RAI1: variants seen among roughly 807,000 people sequenced by gnomAD.
RAI1 encodes the protein retinoic acid-induced protein 1.
RAI1 carries 9 observed loss-of-function variants against 123.8 expected under a neutral mutation model. That is an observed-to-expected ratio of 0.07 (90% CI 0.04 to 0.13). RAI1 has a LOEUF of 0.13. Ranked by LOEUF, RAI1 falls within the 10% of genes least tolerant of loss-of-function variation. The probability of loss-of-function intolerance (pLI) is 1.00; values close to 1 mark genes in which losing one functional copy is unlikely to be tolerated. For missense variants in RAI1, 2,256 were observed against 2,545.8 expected, an observed-to-expected ratio of 0.89 and a Z score of 2.45; for synonymous variants, 1,231 against 1,127.3, an observed-to-expected ratio of 1.09 and a Z score of -1.84.
rs1345091760 is a variant in RAI1, at chr17:17,796,881, G to T, written c.3933G>T (p.Gln1311His). The T allele has an allele frequency of 1.9e-6, 3 of 1,613,192 alleles. No individual in the cohort carries two copies. The highest frequency in any genetic ancestry group is 3.3e-5 in the Admixed American group (2 of 60,034). ...CLKLASRAAF[Q>H]GAMKTKVLPP... ...AGCTCGCCTCTCGGGCAGCCTTCCAGGGGGCCATGAAGACCAAGGTGCTGC... is the reference window on the plus strand; with the variant it reads ...AGCTCGCCTCTCGGGCAGCCTTCCATGGGGCCATGAAGACCAAGGTGCTGC... Residue 1311 changes from glutamine to histidine, a missense_variant, in exon 3 of 6, where the codon CAG (glutamine) becomes CAT (histidine). Around this residue, in one of 7 missense-constraint regions of RAI1, gnomAD observed 322 missense variants for 358.0 expected, o/e 0.90. Coordinates refer to ENST00000353383, the MANE Select transcript of RAI1 (RefSeq NM_030665.4). This position sits in a 1 kb window ranked among gnomAD's most constrained non-coding sequence, Gnocchi z 5.8.
chr17:17,753,187 G>A (rs1359082926), intron 2 of RAI1, among the ~76,000 whole-genome samples: 1 of 152,230 alleles, frequency 6.6e-6, no homozygotes, highest in African/African-American at 2.4e-5. Context: ...AGGAGCCCCA[G>A]GGGCTGGCCC....
At chr17:17,771,402 G>A (rs1240991136) in intron 2 of RAI1, among the ~76,000 whole-genome samples, 1 of 152,216 alleles carries the variant, frequency 6.6e-6, no homozygotes, top group Non-Finnish European at 1.5e-5. Flanking sequence ...ACAAGTGGGT[G>A]ATCTCTAAAT....
At chr17:17,715,794 C>T (rs371357415) in intron 1 of RAI1, among the ~76,000 whole-genome samples, 16 of 152,140 alleles carry the variant, frequency 1.1e-4, no homozygotes, top group East Asian at 3.8e-4. Flanking sequence ...GTGCCCGATC[C>T]GATCCTCGCC....
At chr17:17,707,857 G>T (rs966114041) in intron 1 of RAI1, among the ~76,000 whole-genome samples, 2 of 152,204 alleles carry the variant, frequency 1.3e-5, no homozygotes, top group African/African-American at 2.4e-5. Context: ...GCTTCCCAAA[G>T]TGCTGGGATC....
intron 2 of RAI1, among the ~76,000 whole-genome samples, chr17:17,745,445 G>T (rs2029880818): frequency 6.6e-6 from 1 of 151,156 alleles, no homozygotes; most frequent in Non-Finnish European, 1.5e-5. Flanking sequence ...TTTTGTTTTT[G>T]TTTTTTTTGA....
Position 17,726,773 on chromosome 17 carries a change from C to G in RAI1, c.-17+2614C>G, listed in dbSNP as rs1423416928. 5.3e-5 allele frequency among the ~76,000 whole-genome samples: 8 copies of G among 152,036 alleles called. 1 individual carries two copies. The South Asian group carries it at 1.5e-3, about 28-fold the overall frequency. On this transcript the variant is annotated intron_variant, in intron 2 of 5. Coordinates refer to ENST00000353383, the MANE Select transcript of RAI1 (RefSeq NM_030665.4). ...AGGTTATTGACAGTCTTAGAGGGCT[C>G]TGACAATGTTAGTATTTTGATGTAG...
intron 1 of RAI1, among the ~76,000 whole-genome samples, chr17:17,699,924 CTG>C (rs1041187174): frequency 9.2e-5 from 14 of 152,218 alleles, no homozygotes; most frequent in East Asian, 1.9e-4. Flanking sequence ...TCAAAGCTCA[CTG>C]TGGCTTGTGG....
Position 17,810,009 on chromosome 17 carries a change from G to T in RAI1, c.*28G>T. ...ATCCACCCCAACGGCCGGAGGAGCC[G>T]CCGGAGCCCGCCTGCCCGCCCGCCG... is the stretch of plus-strand genomic sequence containing the variant. On this transcript the variant is annotated 3_prime_UTR_variant, in exon 6 of 6. Coordinates refer to ENST00000353383, the MANE Select transcript of RAI1 (RefSeq NM_030665.4). The surrounding 1 kb of genome is among the most constrained non-coding windows in gnomAD (Gnocchi z 4.6). 6.5e-7 allele frequency: 1 copy of T among 1,543,982 alleles called. No homozygotes were observed. The highest frequency in any genetic ancestry group is 8.7e-7 in the Non-Finnish European group (1 of 1,145,082).
At chr17:17,709,031 G>C (rs557225966) in intron 1 of RAI1, among the ~76,000 whole-genome samples, 1 of 152,344 alleles carries the variant, frequency 6.6e-6, no homozygotes, top group South Asian at 2.1e-4. Flanking sequence ...CAGATGGGAA[G>C]ACTGAGGCCC....
chr17:17,778,491 G>C (rs1346910632), intron 2 of RAI1: 1 of 339,934 alleles, frequency 2.9e-6, no homozygotes, highest in Non-Finnish European at 5.8e-6. Flanking sequence ...GAGAGGTTAA[G>C]TAAACTGCCC....
intron 2 of RAI1, among the ~76,000 whole-genome samples, chr17:17,733,623 C>T (rs1427139857): frequency 6.6e-6 from 1 of 152,184 alleles, no homozygotes; most frequent in Non-Finnish European, 1.5e-5. Context: ...GGGCAGGACC[C>T]TGACAAGAAT....
intron 2 of RAI1, among the ~76,000 whole-genome samples, chr17:17,735,731 A>G (rs1160287317): frequency 6.6e-6 from 1 of 152,204 alleles, no homozygotes; most frequent in African/African-American, 2.4e-5. Context: ...TGAGTGCCCC[A>G]TCTTAGGTGG....
At chr17:17,738,514 C>G (rs1229674763) in intron 2 of RAI1, among the ~76,000 whole-genome samples, 1 of 152,192 alleles carries the variant, frequency 6.6e-6, no homozygotes, top group African/African-American at 2.4e-5. Context: ...GGCCTTGGGC[C>G]TGGCCTGTCT....
At chr17:17,752,246 A>G (rs1012227203) in intron 2 of RAI1, among the ~76,000 whole-genome samples, 1 of 152,074 alleles carries the variant, frequency 6.6e-6, no homozygotes, top group East Asian at 1.9e-4. Context: ...AGCGCCCCAG[A>G]CTACTCGTAT....
At chr17:17,732,920 C>T (rs1176833840) in intron 2 of RAI1, among the ~76,000 whole-genome samples, 2 of 152,200 alleles carry the variant, frequency 1.3e-5, no homozygotes, top group Non-Finnish European at 2.9e-5. Context: ...TGGCAATGCC[C>T]CCAGGTGGGC....
intron 2 of RAI1, among the ~76,000 whole-genome samples, chr17:17,790,531 G>A (rs1017022894): frequency 6.6e-6 from 1 of 152,070 alleles, no homozygotes. Flanking sequence ...AGACGGACAG[G>A]CAGGGAGGGG....
intron 1 of RAI1, among the ~76,000 whole-genome samples, chr17:17,701,593 C>T (rs532620837): frequency 3.9e-5 from 6 of 152,290 alleles, no homozygotes; most frequent in African/African-American, 1.2e-4. Flanking sequence ...TGTACCCAGC[C>T]CCTCTTTTTT....
rs1405781336 is a variant in RAI1 at position 17,797,312 on chromosome 17, C to T, written c.4364C>T (p.Ala1455Val). 3 of 1,612,410 alleles carry T rather than the reference C, an allele frequency of 1.9e-6. No homozygotes were observed. Among genetic ancestry groups the T allele is most frequent in the Admixed American group, 1.7e-5 (1 of 59,962 alleles). ...AGGAGCCGGAAAGGCCGGGCAGGGG[C>T]CCATGGACTCTCCAAAGGCCCGCTG... ...KKRSRKGRAG[A>V]HGLSKGPLEK... Residue 1455 changes from alanine to valine, a missense_variant, in exon 3 of 6, where the codon GCC becomes GTC. Transcript: ENST00000353383.
In RAI1 at chr17:17,799,523, C is replaced by T. The variant is rs377368798; in HGVS notation, c.5565+1010C>T. On this transcript the variant is annotated intron_variant, in intron 3 of 5. Transcript: ENST00000353383. This position sits in a 1 kb window ranked among gnomAD's most constrained non-coding sequence, Gnocchi z 4.5. Reference sequence around the variant, plus strand: ...GACTCCACTGCCTCATCCAGACTTCCGTGGAGTGACGCTCCCGGCTCTCAG... The same window carrying T: ...GACTCCACTGCCTCATCCAGACTTCTGTGGAGTGACGCTCCCGGCTCTCAG... 2.0e-5 allele frequency among the ~76,000 whole-genome samples: 3 copies of T among 152,174 alleles called. No homozygotes were observed. Among genetic ancestry groups the T allele is most frequent in the African/African-American group, 4.8e-5 (2 of 41,414 alleles).
Sources: gnomAD v4.1 joint callset for allele counts (sites outside exome capture counted in the v4.1 genomes callset) on GRCh38, gnomAD v4.1.1 for gene constraint, gnomAD v4.1.1 regional missense constraint, Gnocchi (gnomAD v3.1) non-coding constraint, MANE v1.5 for transcripts, NCBI Gene and HGNC (gene_info 2026-07-23, HGNC 2026-07-21) for gene names.